The following HORMAD2 variants were observed in gnomAD, a reference collection of about 807,000 sequenced individuals.
The protein encoded by HORMAD2 is HORMA domain-containing protein 2.
A neutral mutation model predicts 38.8 loss-of-function variants in HORMAD2; 45 were observed. The observed-to-expected ratio is 1.16, with a 90% CI of 0.91 to 1.49. HORMAD2 has a LOEUF of 1.49. Among genes scored for constraint, HORMAD2 ranks in the 40% most tolerant of loss-of-function variants. The probability of loss-of-function intolerance (pLI) is 0.00; values close to 1 mark genes in which losing one functional copy is unlikely to be tolerated. For missense variants in HORMAD2, 338 were observed against 367.0 expected, an observed-to-expected ratio of 0.92 and a Z score of 0.65; for synonymous variants, 126 against 122.8, an observed-to-expected ratio of 1.03 and a Z score of -0.17.
intron 10 of HORMAD2, among the ~76,000 whole-genome samples, chr22:30,129,157 G>A (rs996765123): frequency 7.0e-6 from 1 of 143,050 alleles, no homozygotes. Flanking sequence ...GGTGGAGCTG[G>A]CAGTGAGCCG....
chr22:30,178,996 C>G (rs1398170506), downstream of HORMAD2, among the ~76,000 whole-genome samples: 1 of 152,122 alleles, frequency 6.6e-6, no homozygotes. Flanking sequence ...TCCAGCTCAC[C>G]TCTTCCAGGA....
intron 10 of HORMAD2, among the ~76,000 whole-genome samples, chr22:30,134,041 A>G (rs1009040415): frequency 6.6e-6 from 1 of 152,102 alleles, no homozygotes; most frequent in Non-Finnish European, 1.5e-5. Flanking sequence ...CTTTATCACT[A>G]AAGGTATCAT....
At position 30,104,401 on chromosome 22, in the gene HORMAD2, G is replaced by A; in HGVS notation, c.258G>A (p.Trp86Ter). 1 of 1,610,052 alleles carries A rather than the reference G, an allele frequency of 6.2e-7. No homozygotes were observed. The highest frequency in any genetic ancestry group is 8.5e-7 in the Non-Finnish European group (1 of 1,177,960). Reference protein sequence around the residue: ...KCPGSLHIIRWIQGCFDALEK... With the variant: ...KCPGSLHIIR The stretch of plus-strand genomic sequence containing the variant: ...ACATCAAACATTTATTTCTTGACAG[G>A]ATTCAAGGTTGTTTTGATGCTTTGG... Residue 86 changes from tryptophan to a stop codon, truncating the protein, a stop_gained and splice_region_variant, in exon 5 of 11, where the codon TGG becomes TGA. Coordinates refer to ENST00000336726, the MANE Select transcript of HORMAD2 (RefSeq NM_152510.4). LOFTEE classifies it high-confidence loss of function.
At chr22:30,103,540 T>G (rs375172052) in intron 4 of HORMAD2, 40 bp downstream of exon 4, 2 of 1,051,080 alleles carry the variant, frequency 1.9e-6, no homozygotes, top group Admixed American at 2.1e-5. Flanking sequence ...ACAACATTAT[T>G]TTTATCATGG....
intron 4 of HORMAD2, 149 bp downstream of exon 4, chr22:30,103,649 ATTTTTTTTTTTTTTTT>A (rs71198524): frequency 2.8e-4 from 21 of 75,296 alleles, no homozygotes; most frequent in Middle Eastern, 0.015. Context: ...TCTGTTTTTG[ATTTTTTTTTTTTTTTT>A]TTTTTTTTTT....
intron 1 of HORMAD2, among the ~76,000 whole-genome samples, chr22:30,092,199 A>T (rs950796438): frequency 6.6e-6 from 1 of 151,904 alleles, no homozygotes; most frequent in African/African-American, 2.4e-5. Flanking sequence ...TCCTTTTAAT[A>T]ATAGCCATTC....
At chr22:30,112,938 A>G (rs921843783) in intron 7 of HORMAD2, among the ~76,000 whole-genome samples, 1 of 152,110 alleles carries the variant, frequency 6.6e-6, no homozygotes, top group South Asian at 2.1e-4. Context: ...GGGAAAATAA[A>G]TGAGATATGG....
chr22:30,079,691 T>A (rs1413310796), upstream of HORMAD2, among the ~76,000 whole-genome samples: 2 of 151,466 alleles, frequency 1.3e-5, no homozygotes, highest in Non-Finnish European at 2.9e-5. Flanking sequence ...CTTTTTAAAA[T>A]TTTTTTGAGA....
the HORMAD2 span, among the ~76,000 whole-genome samples, chr22:30,191,545 C>T: frequency 2.0e-5 from 3 of 152,104 alleles, no homozygotes; most frequent in African/African-American, 7.2e-5. Context: ...ATAGAGCTAA[C>T]TTTTTCCTCT....
rs780331899 is a variant in HORMAD2 at position 30,122,107 on chromosome 22, G to C, written c.712G>C (p.Ala238Pro). The change falls in exon 10 of 11, where the codon GCT (alanine) becomes CCT (proline). Residue 238 changes from alanine to proline, a missense_variant. By Grantham distance (27) the Ala-to-Pro change is conservative. Coordinates refer to ENST00000336726, the MANE Select transcript of HORMAD2 (RefSeq NM_152510.4). ...CATGAAAGTAAAAGTCATGACAGAG[G>C]CTACAAAAGTGATTGATTTGGAGAA... Reference protein sequence around the residue: ...HSMKVKVMTEATKVIDLENNL... With the variant: ...HSMKVKVMTEPTKVIDLENNL... 1.2e-6 allele frequency: 2 copies of C among 1,613,730 alleles called. No individual in the cohort carries two copies. The highest frequency in any genetic ancestry group is 1.6e-4 in the Middle Eastern group (1 of 6,062).
intron 10 of HORMAD2, among the ~76,000 whole-genome samples, chr22:30,158,361 AAATATTTCTTGATTT>A (rs1569115143): frequency 6.6e-6 from 1 of 152,204 alleles, no homozygotes; most frequent in Non-Finnish European, 1.5e-5. Context: ...TAAGGATGAC[AAATATTTCTTGATTT>A]CACTTGGTTA....
intron 10 of HORMAD2, among the ~76,000 whole-genome samples, chr22:30,162,499 T>C (rs921895465): frequency 6.6e-6 from 1 of 152,184 alleles, no homozygotes; most frequent in African/African-American, 2.4e-5. Flanking sequence ...CTCCATCATT[T>C]TAATATTCAC....
chr22:30,144,198 T>G (rs2146187237), intron 10 of HORMAD2, among the ~76,000 whole-genome samples: 1 of 152,338 alleles, frequency 6.6e-6, no homozygotes, highest in Admixed American at 6.5e-5. Flanking sequence ...TTTTCATCAG[T>G]GTCCCAGGCA....
At chr22:30,174,986 G>A (rs934342826) in intron 10 of HORMAD2, among the ~76,000 whole-genome samples, 32 of 151,842 alleles carry the variant, frequency 2.1e-4, no homozygotes, top group African/African-American at 7.5e-4. Flanking sequence ...CCTGAGATCA[G>A]AAATTCAACT....
intron 5 of HORMAD2, among the ~76,000 whole-genome samples, chr22:30,105,617 A>G (rs1389227362): frequency 1.3e-5 from 2 of 152,224 alleles, no homozygotes; most frequent in Non-Finnish European, 2.9e-5. Context: ...TGATTTATTC[A>G]ACACTGACCA....
intron 10 of HORMAD2, among the ~76,000 whole-genome samples, chr22:30,129,753 T>A (rs1923148626): frequency 6.6e-6 from 1 of 151,992 alleles, no homozygotes; most frequent in Non-Finnish European, 1.5e-5. Context: ...CAAGCAATCC[T>A]CCCACTTCAG....
chr22:30,083,900 G>A (rs1237181558), intron 1 of HORMAD2, among the ~76,000 whole-genome samples: 1 of 152,094 alleles, frequency 6.6e-6, no homozygotes, highest in Non-Finnish European at 1.5e-5. Context: ...GAAATAAGTA[G>A]GCAAGCCGAA....
chr22:30,172,997 A>G (rs902581767), intron 10 of HORMAD2, among the ~76,000 whole-genome samples: 18 of 152,334 alleles, frequency 1.2e-4, no homozygotes, highest in African/African-American at 4.3e-4. Flanking sequence ...GGGTAAGAAC[A>G]GAACACAGCT....
At chr22:30,121,938 G>A in intron 9 of HORMAD2, 26 bp from the exon 10 acceptor site, 2 of 1,596,698 alleles carry the variant, frequency 1.3e-6, no homozygotes, top group Non-Finnish European at 1.7e-6. Context: ...CAGTTTTCAT[G>A]GCTTTTTGCC....
Sources: gnomAD v4.1 joint callset for allele counts (sites outside exome capture counted in the v4.1 genomes callset) on GRCh38, gnomAD v4.1.1 for gene constraint, MANE v1.5 for transcripts, NCBI Gene and HGNC (gene_info 2026-07-23, HGNC 2026-07-21) for gene names.